DIAPH2: variants seen among roughly 807,000 people sequenced by gnomAD.
DIAPH2 encodes protein diaphanous homolog 2.
DIAPH2 carries 35 observed loss-of-function variants against 92.7 expected under a neutral mutation model. That is an observed-to-expected ratio of 0.38 (90% CI 0.29 to 0.50). The LOEUF (loss-of-function observed/expected upper bound fraction) is 0.50. Ranked by LOEUF, DIAPH2 falls within the 20% of genes least tolerant of loss-of-function variation. DIAPH2 has a pLI of 0.94. For missense variants in DIAPH2, 701 were observed against 819.5 expected, an observed-to-expected ratio of 0.86 and a Z score of 1.77; for synonymous variants, 301 against 280.4, an observed-to-expected ratio of 1.07 and a Z score of -0.73.
intron 26 of DIAPH2, among the ~76,000 whole-genome samples, chrX:97,470,940 T>C (rs977304258): frequency 2.7e-5 from 3 of 111,693 alleles, no homozygotes; most frequent in African/African-American, 9.8e-5. Flanking sequence ...AGTGGCAGTA[T>C]TGGTATTACA....
intron 22 of DIAPH2, among the ~76,000 whole-genome samples, chrX:97,165,750 G>A (rs1018936880): frequency 3.7e-5 from 4 of 108,676 alleles, no homozygotes; most frequent in African/African-American, 1.0e-4. Flanking sequence ...TGATCCTCCC[G>A]CCTCGGCCTG....
At chrX:96,972,352 A>C (rs1234564274) in intron 17 of DIAPH2, among the ~76,000 whole-genome samples, 1 of 112,107 alleles carries the variant, frequency 8.9e-6, no homozygotes, top group African/African-American at 3.2e-5. Flanking sequence ...TAAATGTTTA[A>C]ATATTTAATA....
intron 4 of DIAPH2, among the ~76,000 whole-genome samples, chrX:96,813,813 G>A (rs749894715): frequency 1.3e-4 from 14 of 111,777 alleles, no homozygotes; most frequent in Non-Finnish European, 2.4e-4. Flanking sequence ...GAAATTCTGG[G>A]TTGAAAATTC....
At position 96,727,805 on chromosome X, in the gene DIAPH2, T is replaced by C. The variant is rs758237943; in HGVS notation, c.133-7953T>C. Among the ~76,000 whole-genome samples, 7 of 111,050 alleles carry C rather than the reference T, an allele frequency of 6.3e-5. No homozygotes were observed. The East Asian group carries it at 2.0e-3, about 32-fold the overall frequency. On this transcript the variant is annotated intron_variant, in intron 1 of 26. Coordinates refer to ENST00000324765, the MANE Select transcript of DIAPH2 (RefSeq NM_006729.5). Reference sequence around the variant, plus strand: ...AAGACAACCTGTAATCCCAGCACTTTGGGAGGCTGAGGTGGATGGATCACG... The same window carrying C: ...AAGACAACCTGTAATCCCAGCACTTCGGGAGGCTGAGGTGGATGGATCACG...
At chrX:96,790,180 C>G (rs754248089) in intron 4 of DIAPH2, among the ~76,000 whole-genome samples, 2 of 109,816 alleles carry the variant, frequency 1.8e-5, no homozygotes, top group South Asian at 7.9e-4. Context: ...AGTGATTCTC[C>G]TGCCTCAGCC....
rs1316682971 is a variant in DIAPH2 at position 97,369,064 on chromosome X, C to T, written c.3010-14845C>T. Among the ~76,000 whole-genome samples, 10 of 109,700 alleles carry T rather than the reference C, an allele frequency of 9.1e-5. 1 individual carries two copies. The highest frequency in any genetic ancestry group is 4.9e-4 in the Admixed American group (5 of 10,229). ...CTGGGATTACAGGCATGCACAACCA[C>T]GCCTGGCTGATTTTTGTATTTTTAT... is the stretch of plus-strand genomic sequence containing the variant. On this transcript the variant is annotated intron_variant, in intron 24 of 26. Transcript: ENST00000324765.
intron 17 of DIAPH2, among the ~76,000 whole-genome samples, chrX:96,980,422 C>A (rs1485578130): frequency 9.0e-6 from 1 of 111,046 alleles, no homozygotes; most frequent in Non-Finnish European, 1.9e-5. Flanking sequence ...TGCTTCTTCT[C>A]ATCTCCCTTT....
At chrX:96,925,476 T>C (rs762327906) in intron 9 of DIAPH2, among the ~76,000 whole-genome samples, 30 of 111,454 alleles carry the variant, frequency 2.7e-4, no homozygotes, top group South Asian at 3.8e-4. Flanking sequence ...CATGGTATCC[T>C]TCTCTCTCCA....
intron 4 of DIAPH2, among the ~76,000 whole-genome samples, chrX:96,870,414 AC>A (rs979955029): frequency 1.4e-4 from 14 of 102,232 alleles, no homozygotes; most frequent in African/African-American, 4.4e-4. Context: ...GACGCCCATC[AC>A]CATGCCCAGC....
At chrX:96,813,011 G>T (rs1443867817) in intron 4 of DIAPH2, among the ~76,000 whole-genome samples, 1 of 111,757 alleles carries the variant, frequency 8.9e-6, no homozygotes, top group African/African-American at 3.3e-5. Context: ...ATTTGGGGTG[G>T]AGAGTTCTGT....
chrX:96,739,971 C>G (rs373571521), intron 3 of DIAPH2, among the ~76,000 whole-genome samples: 9 of 112,190 alleles, frequency 8.0e-5, no homozygotes, highest in Admixed American at 5.7e-4. Flanking sequence ...TCAACTATTA[C>G]GCTAATAGCC....
At chrX:97,035,206 G>T (rs778690915) in intron 17 of DIAPH2, among the ~76,000 whole-genome samples, 6 of 111,409 alleles carry the variant, frequency 5.4e-5, no homozygotes, top group Non-Finnish European at 1.1e-4. Flanking sequence ...AAGAGATTAC[G>T]TGTACAGGGG....
intron 17 of DIAPH2, among the ~76,000 whole-genome samples, chrX:97,061,301 C>T (rs2066595777): frequency 8.9e-6 from 1 of 111,983 alleles, no homozygotes; most frequent in African/African-American, 3.2e-5. Flanking sequence ...TGTCCAAAAG[C>T]AATGAAACTA....
intron 23 of DIAPH2, among the ~76,000 whole-genome samples, chrX:97,339,752 A>G (rs181532619): frequency 8.9e-6 from 1 of 112,223 alleles, no homozygotes; most frequent in East Asian, 2.8e-4. Flanking sequence ...GTTATCTTAA[A>G]TAACTTCATG....
intron 23 of DIAPH2, among the ~76,000 whole-genome samples, chrX:97,249,603 G>T (rs542135534): frequency 3.6e-5 from 4 of 112,207 alleles, no homozygotes; most frequent in African/African-American, 1.3e-4. Context: ...AGATAAAACT[G>T]TGGCTCAAGT....
chrX:96,884,445 C>A (rs33970383), intron 5 of DIAPH2: 1 of 1,210,959 alleles, frequency 8.3e-7, no homozygotes, highest in Admixed American at 2.2e-5. Context: ...GAATTCAGGA[C>A]GTTGTACCGT....
intron 4 of DIAPH2, among the ~76,000 whole-genome samples, chrX:96,822,744 C>T (rs998577238): frequency 1.8e-5 from 2 of 111,753 alleles, no homozygotes; most frequent in South Asian, 3.7e-4. Flanking sequence ...TTTGACTGTA[C>T]ACAAATGAAG....
intron 21 of DIAPH2, among the ~76,000 whole-genome samples, chrX:97,135,928 A>G (rs1325533025): frequency 8.9e-6 from 1 of 112,030 alleles, no homozygotes; most frequent in East Asian, 2.8e-4. Context: ...GGAGGAACAT[A>G]AGTAAATGGG....
intron 26 of DIAPH2, among the ~76,000 whole-genome samples, chrX:97,459,153 A>G (rs1248028567): frequency 8.9e-6 from 1 of 112,211 alleles, no homozygotes; most frequent in Non-Finnish European, 1.9e-5. Flanking sequence ...CTGTGGCTAT[A>G]TGCATCTATG....
Sources: allele counts gnomAD v4.1 joint callset (sites outside exome capture counted in the v4.1 genomes callset), GRCh38; gene constraint gnomAD v4.1.1; transcripts MANE v1.5; gene names NCBI Gene and HGNC (gene_info 2026-07-23, HGNC 2026-07-21).